The following MROH1 variants were observed in gnomAD, a reference collection of about 807,000 sequenced individuals.
The protein encoded by MROH1 is maestro heat like repeat family member 1, also known as maestro heat-like repeat-containing protein family member 1.
A neutral mutation model predicts 116.5 loss-of-function variants in MROH1; 117 were observed. The ratio of observed to expected loss-of-function variants is 1.00; its 90% CI spans 0.86 to 1.17. MROH1 has a LOEUF of 1.17. Among genes scored for constraint, MROH1 ranks in the 50% most tolerant of loss-of-function variants. MROH1 has a pLI of 0.00. For missense variants in MROH1, 1,873 were observed against 1,338.5 expected (o/e 1.40, Z -6.23); for synonymous variants, 921 against 583.9 (o/e 1.58, Z -8.32).
chr8:144,243,769 C>G, intron 25 of MROH1, 94 bp from the exon 26 acceptor site: 1 of 739,720 alleles, frequency 1.4e-6, no homozygotes, highest in Non-Finnish European at 2.5e-6. Context: ...GCTCCTCGGG[C>G]CCCGCCTGTC....
chr8:144,225,134 G>A (rs1419715848), intron 14 of MROH1, among the ~76,000 whole-genome samples: 1 of 152,010 alleles, frequency 6.6e-6, no homozygotes, highest in Non-Finnish European at 1.5e-5. Context: ...AAACTCCTGG[G>A]CTCAAGTGAT....
At position 144,260,957 on chromosome 8, in the gene MROH1, G is replaced by A; in HGVS notation, c.4587G>A (p.Glu1529=). ...RMCGPNLACE[E]LSAAFQKHLQ... is the part of the protein sequence containing the mutation. ...GTGGCCCCAATCTGGCATGTGAGGA[G>A]CTCTCAGCTGCTTTCCAGAAACACC... is the stretch of plus-strand genomic sequence containing the variant. Residue 1529 remains glutamate (E), a synonymous_variant, in exon 41 of 44, where the codon GAG becomes GAA. Transcript: ENST00000326134. The A allele has an allele frequency of 1.3e-6, 1 of 777,602 alleles. No individual in the cohort carries two copies. Among genetic ancestry groups the A allele is most frequent in the Non-Finnish European group, 2.4e-6 (1 of 417,734 alleles). The allele number at this position is 777,602 out of a possible 1,614,324, so 48.2% of individuals were successfully genotyped here. A position where few individuals can be genotyped will look rare whatever the true frequency, so the allele number is the denominator to read the frequency against.
At chr8:144,188,193 C>T (rs1258956137) in intron 7 of MROH1, among the ~76,000 whole-genome samples, 1 of 152,198 alleles carries the variant, frequency 6.6e-6, no homozygotes, top group Non-Finnish European at 1.5e-5. Flanking sequence ...ATTTGTTCAT[C>T]AGAAGATCTG....
At chr8:144,220,764 C>A in intron 13 of MROH1, 91 bp downstream of exon 13, 1 of 1,123,654 alleles carries the variant, frequency 8.9e-7, no homozygotes, top group Admixed American at 2.1e-5. Context: ...ACCCACCAAC[C>A]AGGCGGCCAC....
chr8:144,156,246 A>AG (rs1818047282), intron 1 of MROH1, among the ~76,000 whole-genome samples: 4 of 150,678 alleles, frequency 2.7e-5, no homozygotes, highest in Admixed American at 2.0e-4. Context: ...TCAAAGAAAA[A>AG]AAAAAAAAAA....
chr8:144,245,504 T>C (rs1426342072), intron 29 of MROH1, among the ~76,000 whole-genome samples: 2 of 152,268 alleles, frequency 1.3e-5, no homozygotes, highest in African/African-American at 2.4e-5. Context: ...TCTCCAGGGC[T>C]TCACTGTTGA....
intron 10 of MROH1, among the ~76,000 whole-genome samples, chr8:144,195,103 G>C (rs549060044): frequency 1.3e-5 from 2 of 148,884 alleles, no homozygotes; most frequent in East Asian, 4.0e-4. Flanking sequence ...GCTGAGGTGG[G>C]AGGATCGCTT....
At chr8:144,261,246 G>A (rs1159184897) in intron 42 of MROH1, 30 bp downstream of exon 42, 15 of 529,242 alleles carry the variant, frequency 2.8e-5, no homozygotes, top group South Asian at 1.1e-4. Flanking sequence ...CCACCCCCAC[G>A]CCGCCCGGCA....
At chr8:144,255,338 C>CCG (rs1843536635) in intron 34 of MROH1, among the ~76,000 whole-genome samples, 171 bp from the exon 35 acceptor site, 1 of 152,204 alleles carries the variant, frequency 6.6e-6, no homozygotes, top group Non-Finnish European at 1.5e-5. Flanking sequence ...GCCTCTACCC[C>CCG]TGAGGGCCAA....
At chr8:144,177,513 A>G (rs1284362742) in intron 4 of MROH1, among the ~76,000 whole-genome samples, 1 of 152,196 alleles carries the variant, frequency 6.6e-6, no homozygotes, top group South Asian at 2.1e-4. Context: ...CTGAGCCGGT[A>G]GCACTTCTCC....
At chr8:144,164,093 C>CTTTT (rs776748346) in intron 3 of MROH1, among the ~76,000 whole-genome samples, 3,042 of 135,184 alleles carry the variant, frequency 0.023, 58 homozygotes, top group Non-Finnish European at 0.032. Context: ...GTTTGTTTTA[C>CTTTT]TTTTTTTTTT....
Position 144,255,624 on chromosome 8 carries a change from T to C in MROH1, c.3710T>C (p.Val1237Ala). ...CTGCGCGTCAGCTGCACCGTGGGTG[T>C]CCAGCTGCCCCGGAACCTGCAGGCC... ...LLLRVSCTVG[V>A]QLPRNLQAQE... Residue 1237 changes from valine to alanine, a missense_variant, in exon 35 of 44, where the codon GTC (valine) becomes GCC (alanine). By Grantham distance (64) the Val-to-Ala change is moderately conservative. Transcript: ENST00000326134. The C allele has an allele frequency of 2.6e-6, 2 of 776,872 alleles. No homozygotes were observed. Among genetic ancestry groups the C allele is most frequent in the East Asian group, 4.9e-5 (2 of 41,174 alleles). The allele number at this position is 776,872 out of a possible 1,614,324, so 48.1% of individuals were successfully genotyped here. A position where few individuals can be genotyped will look rare whatever the true frequency, so the allele number is the denominator to read the frequency against.
At chr8:144,219,729 A>T (rs1836295042) in intron 12 of MROH1, among the ~76,000 whole-genome samples, 1 of 152,180 alleles carries the variant, frequency 6.6e-6, no homozygotes, top group South Asian at 2.1e-4. Flanking sequence ...GCCAGCTCAG[A>T]GCATTAATTA....
chr8:144,200,265 A>G (rs906621776), intron 11 of MROH1, among the ~76,000 whole-genome samples, 163 bp from the exon 12 acceptor site: 2 of 152,150 alleles, frequency 1.3e-5, no homozygotes, highest in Non-Finnish European at 2.9e-5. Flanking sequence ...CCTGCCTTAG[A>G]CAGGGGCATC....
intron 4 of MROH1, among the ~76,000 whole-genome samples, chr8:144,173,865 AAGAAGAATGAGGATAC>A (rs1823144463): frequency 6.6e-6 from 1 of 152,140 alleles, no homozygotes; most frequent in Non-Finnish European, 1.5e-5. Flanking sequence ...CACCACACCC[AAGAAGAATGAGGATAC>A]AGTGGACATT....
chr8:144,248,802 G>A, intron 31 of MROH1, 75 bp from the exon 32 acceptor site: 1 of 738,978 alleles, frequency 1.4e-6, no homozygotes, highest in Admixed American at 1.9e-5. Context: ...GCGAGCCCCT[G>A]AGACCCGATG....
chr8:144,252,562 GGAGGCT>G (rs1843006394), intron 33 of MROH1: 2 of 152,138 alleles, frequency 1.3e-5, no homozygotes, highest in African/African-American at 4.8e-5. Context: ...CAGCTACTCG[GGAGGCT>G]GAGGCAGGAG....
Position 144,239,619 on chromosome 8 carries a change from G to A in MROH1, c.1638G>A (p.Val546=), listed in dbSNP as rs1840631384. 37 of 771,966 alleles carry A rather than the reference G, an allele frequency of 4.8e-5. No individual in the cohort carries two copies. In the South Asian group the frequency reaches 4.8e-4, roughly 10 times the overall value. The allele number at this position is 771,966 out of a possible 1,614,324, so 47.8% of individuals were successfully genotyped here. A position where few individuals can be genotyped will look rare whatever the true frequency, so the allele number is the denominator to read the frequency against. ...PYAVTGRLLV[V]SSSPYLGDGR... ...CCCACGCTGCCTCTTTTCAGGTTGTGTCTTCCAGCCCCTACCTAGGGGACG... is the reference window on the plus strand; with the variant it reads ...CCCACGCTGCCTCTTTTCAGGTTGTATCTTCCAGCCCCTACCTAGGGGACG... Residue 546 remains valine (V), a synonymous_variant, in exon 18 of 44, where the codon GTG becomes GTA. Coordinates refer to ENST00000326134, the MANE Select transcript of MROH1 (RefSeq NM_032450.3).
chr8:144,252,883 G>A (rs1843071163), intron 33 of MROH1, among the ~76,000 whole-genome samples: 1 of 152,052 alleles, frequency 6.6e-6, no homozygotes, highest in African/African-American at 2.4e-5. Flanking sequence ...TTGAACCCAG[G>A]AGGCGGAAGA....
Sources: allele counts gnomAD v4.1 joint callset (sites outside exome capture counted in the v4.1 genomes callset), GRCh38; gene constraint gnomAD v4.1.1; transcripts MANE v1.5; gene names NCBI Gene and HGNC (gene_info 2026-07-23, HGNC 2026-07-21).